NAA11: variants seen among roughly 807,000 people sequenced by gnomAD.
The protein encoded by NAA11 is N-alpha-acetyltransferase 11.
NAA11 carries 15 observed loss-of-function variants against 16.1 expected under a neutral mutation model. The ratio of observed to expected loss-of-function variants is 0.93; its 90% CI spans 0.62 to 1.44. The LOEUF (loss-of-function observed/expected upper bound fraction) is 1.44. Among genes scored for constraint, NAA11 ranks in the 40% most tolerant of loss-of-function variants. The pLI is 0.00. For synonymous variants in NAA11, 122 were observed against 112.4 expected (o/e 1.09, Z -0.54); for missense variants, 298 against 291.3 (o/e 1.02, Z -0.17).
the NAA11 span, among the ~76,000 whole-genome samples, chr4:79,216,775 C>T: frequency 6.6e-6 from 1 of 152,118 alleles, no homozygotes; most frequent in South Asian, 2.1e-4. Flanking sequence ...CATGAGCTTC[C>T]TATTCACCTA....
the NAA11 span, among the ~76,000 whole-genome samples, chr4:79,168,404 T>C: frequency 9.9e-5 from 15 of 152,180 alleles, no homozygotes; most frequent in Non-Finnish European, 2.2e-4. Context: ...GATTGCCAGG[T>C]CAAATGGTAT....
downstream of NAA11, among the ~76,000 whole-genome samples, chr4:79,222,579 C>T (rs1325202888): frequency 6.7e-6 from 1 of 148,968 alleles, no homozygotes; most frequent in African/African-American, 2.5e-5. Flanking sequence ...AGGACATAGG[C>T]ATGGGCAAGG....
chr4:79,233,046 T>A (rs1041869287), intron 2 of NAA11, among the ~76,000 whole-genome samples: 2 of 152,002 alleles, frequency 1.3e-5, no homozygotes, highest in Admixed American at 6.6e-5. Flanking sequence ...AAGTACCTAG[T>A]ACAATGTCTG....
At chr4:79,208,031 A>T in the NAA11 span, among the ~76,000 whole-genome samples, 2 of 152,160 alleles carry the variant, frequency 1.3e-5, no homozygotes, top group Non-Finnish European at 2.9e-5. Flanking sequence ...CATATTAATA[A>T]AGTTGAAACA....
At chr4:79,202,631 A>ATATATATATG in the NAA11 span, among the ~76,000 whole-genome samples, 1 of 107,568 alleles carries the variant, frequency 9.3e-6, no homozygotes, top group African/African-American at 2.9e-5. Context: ...TTTTATATAT[A>ATATATATATG]TATATATATA....
chr4:79,169,572 G>A, the NAA11 span, among the ~76,000 whole-genome samples: 3 of 113,550 alleles, frequency 2.6e-5, no homozygotes, highest in Middle Eastern at 3.8e-3. Context: ...ACTGAAACTG[G>A]ACCCCGTCTT....
intron 1 of NAA11, among the ~76,000 whole-genome samples, chr4:79,296,806 A>T (rs1480444730): frequency 6.6e-6 from 1 of 151,962 alleles, no homozygotes; most frequent in East Asian, 1.9e-4. Flanking sequence ...ATTTATCCCC[A>T]CCCATAGACC....
the NAA11 span, among the ~76,000 whole-genome samples, chr4:79,196,979 A>AAAAAAAAAAAAAAAAAAAAAAAAAAAG: frequency 2.6e-4 from 33 of 125,644 alleles, no homozygotes; most frequent in Middle Eastern, 4.0e-3. Flanking sequence ...AAAAAAAAAA[A>AAAAAAAAAAAAAAAAAAAAAAAAAAAG]AAAGAAAGAA....
intron 2 of NAA11, among the ~76,000 whole-genome samples, chr4:79,269,675 T>C (rs2109979557): frequency 6.8e-6 from 1 of 147,304 alleles, no homozygotes; most frequent in East Asian, 2.0e-4. Context: ...TGATGGTAGT[T>C]TCTTTTGCTG....
the NAA11 span, among the ~76,000 whole-genome samples, chr4:79,156,327 G>GTC: frequency 5.0e-5 from 3 of 60,334 alleles, no homozygotes; most frequent in East Asian, 1.9e-3. Flanking sequence ...GTGTGTGTGT[G>GTC]TGTATATATA....
chr4:79,226,240 G>A (rs1460545268), exon 3 of NAA11: 5 of 151,976 alleles, frequency 3.3e-5, no homozygotes, highest in Non-Finnish European at 7.4e-5. Context: ...TCCTTAGGTT[G>A]TGCTGTCTCA....
chr4:79,250,050 T>C (rs1404909608), intron 2 of NAA11, among the ~76,000 whole-genome samples: 1 of 152,210 alleles, frequency 6.6e-6, no homozygotes, highest in Non-Finnish European at 1.5e-5. Context: ...GGAGCTGTCA[T>C]CCCCAGCCAA....
intron 2 of NAA11, among the ~76,000 whole-genome samples, chr4:79,260,193 C>A (rs965819386): frequency 1.3e-5 from 2 of 152,218 alleles, no homozygotes; most frequent in African/African-American, 4.8e-5. Context: ...TTCTCCTCTG[C>A]AGATGCCAGT....
intron 1 of NAA11, among the ~76,000 whole-genome samples, chr4:79,306,527 A>G (rs535102926): frequency 2.6e-5 from 4 of 152,206 alleles, no homozygotes; most frequent in Non-Finnish European, 4.4e-5. Context: ...TAAAGGTGCT[A>G]TGTCCAAATA....
chr4:79,213,963 T>C, the NAA11 span, among the ~76,000 whole-genome samples: 1 of 152,324 alleles, frequency 6.6e-6, no homozygotes, highest in South Asian at 2.1e-4. Flanking sequence ...GGCTGGCTAG[T>C]ACTGTTTCTT....
At chr4:79,227,516 G>T (rs1253711665) in intron 2 of NAA11, 3 of 151,922 alleles carry the variant, frequency 2.0e-5, no homozygotes, top group Non-Finnish European at 4.4e-5. Context: ...AGTCATTCAG[G>T]AATATGAGGG....
In NAA11 at chr4:79,271,401, C is replaced by A. The variant is rs867635067; in HGVS notation, c.*122+22604G>T. ...AAGAGGATACAAACAAATGGAAGAA[C>A]ATTCCATGCTCATGGGTAGGAAGAA... is the stretch of plus-strand genomic sequence containing the variant. On this transcript the variant is annotated intron_variant and NMD_transcript_variant, in intron 2 of 2. Transcript: ENST00000511542. 1.4e-3 allele frequency among the ~76,000 whole-genome samples: 213 copies of A among 151,544 alleles called. 2 individuals carry two copies. Among genetic ancestry groups the A allele is most frequent in the Admixed American group, 3.8e-3 (58 of 15,198 alleles).
chr4:79,280,662 A>G (rs1302685279), intron 2 of NAA11, among the ~76,000 whole-genome samples: 1 of 151,838 alleles, frequency 6.6e-6, no homozygotes, highest in African/African-American at 2.4e-5. Context: ...CCTGACTGAT[A>G]TAGGGGCTTC....
intron 2 of NAA11, among the ~76,000 whole-genome samples, chr4:79,281,274 G>GAA (rs879640162): frequency 2.9e-5 from 4 of 135,814 alleles, no homozygotes; most frequent in African/African-American, 5.4e-5. Context: ...GCAGATGGAG[G>GAA]AAAAAAAAAA....
Sources: allele counts gnomAD v4.1 joint callset (sites outside exome capture counted in the v4.1 genomes callset), GRCh38; gene constraint gnomAD v4.1.1; transcripts MANE v1.5; gene names NCBI Gene and HGNC (gene_info 2026-07-23, HGNC 2026-07-21).